F3: variants seen among roughly 807,000 people sequenced by gnomAD.
The protein encoded by F3 is tissue factor.
A neutral mutation model predicts 33.5 loss-of-function variants in F3; 18 were observed. The observed-to-expected ratio is 0.54, with a 90% confidence interval of 0.37 to 0.80. The LOEUF (loss-of-function observed/expected upper bound fraction) is 0.80, where lower values mean the gene tolerates loss of function less well. Among genes scored for constraint, F3 ranks in the 30% least tolerant of loss-of-function variants. The pLI is 0.00. For synonymous variants in F3, 147 were observed against 140.7 expected (o/e 1.05, Z -0.32); for missense variants, 353 against 362.1 (o/e 0.97, Z 0.20).
chr1:94,532,515 T>C, intron 4 of F3, 35 bp from the exon 5 acceptor site: 1 of 1,607,216 alleles, frequency 6.2e-7, no homozygotes, highest in South Asian at 1.1e-5. Flanking sequence ...TCATCTGGGC[T>C]CTGAGTCAAT....
At chr1:94,541,075 A>C (rs1651759254) in intron 1 of F3, 1 of 154,186 alleles carries the variant, frequency 6.5e-6, no homozygotes, top group African/African-American at 2.4e-5. Flanking sequence ...ACCTAGAACA[A>C]AGATGGCCAG....
chr1:94,539,638 T>A (rs903172487), intron 2 of F3, among the ~76,000 whole-genome samples: 1 of 152,158 alleles, frequency 6.6e-6, no homozygotes, highest in African/African-American at 2.4e-5. Flanking sequence ...TATCGCCTCC[T>A]GGGGACAGCT....
intron 5 of F3, among the ~76,000 whole-genome samples, chr1:94,531,388 G>T (rs1012125544): frequency 6.7e-6 from 1 of 148,396 alleles, no homozygotes; most frequent in Non-Finnish European, 1.5e-5. Flanking sequence ...TTCAGCCTCC[G>T]CCTCCCAGGT....
intron 4 of F3, chr1:94,532,882 C>A: frequency 3.4e-6 from 2 of 592,206 alleles, no homozygotes; most frequent in South Asian, 4.3e-5. Flanking sequence ...TCCGAGGGGG[C>A]CCTGCCCAGA....
Position 94,541,698 on chromosome 1 carries a change from G to C in F3, c.-62C>G. ...GGCGCCCGTGGGGCTGGGGAGGTTG[G>C]GCTGAAGGCGCCCTGGGCCGGCCAG... On this transcript the variant is annotated 5_prime_UTR_variant, in exon 1 of 6. Transcript: ENST00000334047. 2 of 1,142,358 alleles carry C rather than the reference G, an allele frequency of 1.8e-6. No individual in the cohort carries two copies. The highest frequency in any genetic ancestry group is 1.2e-6 in the Non-Finnish European group (1 of 863,698). 70.8% of individuals were successfully genotyped at this position (1,142,358 alleles called of 1,614,324 possible).
rs759107888 is a variant in F3, at chr1:94,535,955, A to G, written c.412+10T>C. On this transcript the variant is annotated intron_variant, in intron 3 of 5. Coordinates refer to ENST00000334047, the MANE Select transcript of F3 (RefSeq NM_001993.5). ...CAAGAATGAACGGTATTACAGCCCA[A>G]GCCACTTACTCTCCAGGTAAGGTGT... The G allele has an allele frequency of 6.2e-7, 1 of 1,613,752 alleles. No individual in the cohort carries two copies. Among genetic ancestry groups the G allele is most frequent in the Admixed American group, 1.7e-5 (1 of 60,028 alleles).
chr1:94,530,812 A>C (rs1006655266), intron 5 of F3, among the ~76,000 whole-genome samples: 4 of 152,246 alleles, frequency 2.6e-5, no homozygotes, highest in African/African-American at 9.6e-5. Context: ...TGGGCATTTA[A>C]TAAACTGAAT....
Position 94,530,073 on chromosome 1 carries a change from CAAAAAAAAA to C in F3, c.*378_*386del, listed in dbSNP as rs58927022. On this transcript the variant is annotated 3_prime_UTR_variant, in exon 6 of 6. Coordinates refer to ENST00000334047, the MANE Select transcript of F3 (RefSeq NM_001993.5). ...TGGGCAACAGAGCAAGACTCCGTCTCAAAAAAAAAAAAAAAAAAAAAAAAGCTTTTCAAA... is the reference window on the plus strand; with the variant it reads ...TGGGCAACAGAGCAAGACTCCGTCTCAAAAAAAAAAAAAAAGCTTTTCAAA... The C allele has an allele frequency of 2.3e-3, 167 of 72,804 alleles. No homozygotes were observed. Among genetic ancestry groups the C allele is most frequent in the African/African-American group, 9.0e-3 (158 of 17,590 alleles). The allele number at this position is 72,804 out of a possible 1,614,324, so 4.5% of individuals were successfully genotyped here.
Position 94,530,519 on chromosome 1 carries a change from A to C in F3, c.829T>G (p.Cys277Gly). ...VIILAISLHK[C>G]RKAGVGQSWK... ...CTCTGCCCCACTCCTGCCTTTCTAC[A>C]CTTGTGTAGAGATATAGCCAGGATG... Residue 277 changes from cysteine (C) to glycine (G), a missense_variant, in exon 6 of 6, where the codon TGT (cysteine) becomes GGT (glycine). Transcript: ENST00000334047. 1.2e-6 allele frequency: 2 copies of C among 1,614,080 alleles called. No individual in the cohort carries two copies. The highest frequency in any genetic ancestry group is 1.7e-6 in the Non-Finnish European group (2 of 1,180,002).
Position 94,530,132 on chromosome 1 carries a change from AT to A in F3, c.*327del. On this transcript the variant is annotated 3_prime_UTR_variant, in exon 6 of 6. Transcript: ENST00000334047. ...AAGTCCACCCAGGATTTTTTAAGAC[AT>A]TTTCCCATTTGTTTTTGCTTGGACG... 1 of 173,450 alleles carries A rather than the reference AT, an allele frequency of 5.8e-6. No individual in the cohort carries two copies. Among genetic ancestry groups the A allele is most frequent in the South Asian group, 1.9e-4 (1 of 5,306 alleles). 10.7% of individuals were successfully genotyped at this position (173,450 alleles called of 1,614,324 possible). A position where few individuals can be genotyped will look rare whatever the true frequency, so the allele number is the denominator to read the frequency against.
Position 94,532,962 on chromosome 1 carries a change from C to T in F3, c.591+128G>A, listed in dbSNP as rs1651475389. On this transcript the variant is annotated intron_variant, in intron 4 of 5. Transcript: ENST00000334047. ...CCACCCCTCCCCACAGTGCGCGCTC[C>T]CCCTTCTACTCCATCACCTTCTCAA... is the stretch of plus-strand genomic sequence containing the variant. 5 of 912,634 alleles carry T rather than the reference C, an allele frequency of 5.5e-6. No individual in the cohort carries two copies. In the Admixed American group the frequency reaches 1.2e-4, roughly 22 times the overall value. The allele number at this position is 912,634 out of a possible 1,614,324, so 56.5% of individuals were successfully genotyped here.
intron 1 of F3, 103 bp downstream of exon 1, chr1:94,541,434 A>C: frequency 3.2e-6 from 3 of 939,770 alleles, no homozygotes; most frequent in Non-Finnish European, 2.9e-6. Context: ...GGGGGACAAC[A>C]TGGGCGCCCC....
chr1:94,540,486 C>A, intron 1 of F3, 118 bp from the exon 2 acceptor site: 1 of 592,972 alleles, frequency 1.7e-6, no homozygotes, highest in East Asian at 3.0e-5. Flanking sequence ...ATTTTTCAAC[C>A]ACAAAAGCTT....
At chr1:94,537,805 G>T (rs1651658306) in intron 2 of F3, among the ~76,000 whole-genome samples, 1 of 152,174 alleles carries the variant, frequency 6.6e-6, no homozygotes, top group African/African-American at 2.4e-5. Flanking sequence ...AGTAGAGAGG[G>T]TATTTTGTTC....
intron 2 of F3, among the ~76,000 whole-genome samples, chr1:94,538,445 C>A (rs545958453): frequency 3.3e-5 from 5 of 152,130 alleles, no homozygotes; most frequent in Non-Finnish European, 4.4e-5. Context: ...TGAGAGCAGT[C>A]GGGAGGGAAG....
intron 3 of F3, among the ~76,000 whole-genome samples, chr1:94,533,987 C>T (rs886324276): frequency 1.3e-5 from 2 of 152,066 alleles, no homozygotes; most frequent in African/African-American, 2.4e-5. Flanking sequence ...CTGCCTCAGC[C>T]TCCCAAGTAG....
intron 1 of F3, 66 bp downstream of exon 1, chr1:94,541,471 G>T: frequency 3.2e-6 from 4 of 1,269,530 alleles, no homozygotes; most frequent in South Asian, 1.6e-5. Context: ...CCCGCTGCCA[G>T]CCAGGACTGT....
intron 5 of F3, among the ~76,000 whole-genome samples, chr1:94,531,060 C>T (rs1410842848): frequency 1.3e-5 from 2 of 152,010 alleles, no homozygotes; most frequent in Admixed American, 6.6e-5. Flanking sequence ...AGATAGAGAA[C>T]GGCCAGGGAA....
intron 2 of F3, among the ~76,000 whole-genome samples, chr1:94,539,425 G>A (rs1395821948): frequency 6.6e-6 from 1 of 152,168 alleles, no homozygotes; most frequent in Non-Finnish European, 1.5e-5. Flanking sequence ...AAACAAAACA[G>A]AACAGCAAAA....
Sources: gnomAD v4.1 joint callset for allele counts (sites outside exome capture counted in the v4.1 genomes callset) on GRCh38, gnomAD v4.1.1 for gene constraint, MANE v1.5 for transcripts, NCBI Gene and HGNC (gene_info 2026-07-23, HGNC 2026-07-21) for gene names.